Variants in SPOCK3 observed in about 807,000 individuals in gnomAD.
SPOCK3 encodes the protein testican-3.
A neutral mutation model predicts 56.6 loss-of-function variants in SPOCK3; 30 were observed. The observed-to-expected ratio is 0.53, with a 90% CI of 0.40 to 0.72. The LOEUF is 0.72. Ranked by LOEUF, SPOCK3 falls within the 30% of genes least tolerant of loss-of-function variation. The pLI is 0.00. For missense variants in SPOCK3, 527 were observed against 530.0 expected, an observed-to-expected ratio of 0.99 and a Z score of 0.06; for synonymous variants, 196 against 183.3, an observed-to-expected ratio of 1.07 and a Z score of -0.56.
intron 6 of SPOCK3, among the ~76,000 whole-genome samples, chr4:166,882,382 A>G (rs554010518): frequency 6.6e-6 from 1 of 152,192 alleles, no homozygotes; most frequent in East Asian, 1.9e-4. Context: ...CTTCTGGCCA[A>G]ACCACACTGT....
intron 4 of SPOCK3, among the ~76,000 whole-genome samples, chr4:166,952,198 C>G (rs1339755869): frequency 7.9e-5 from 12 of 152,096 alleles, no homozygotes; most frequent in Non-Finnish European, 4.4e-5. Flanking sequence ...TGTCTCAGCC[C>G]AAAATCTCCT....
At chr4:167,148,529 A>G (rs1764163001) in intron 2 of SPOCK3, among the ~76,000 whole-genome samples, 1 of 152,108 alleles carries the variant, frequency 6.6e-6, no homozygotes, top group Non-Finnish European at 1.5e-5. Flanking sequence ...CTGTTTAGTC[A>G]TCATTAAAAG....
chr4:167,114,149 CGA>C (rs1761141387), intron 2 of SPOCK3, among the ~76,000 whole-genome samples: 1 of 151,984 alleles, frequency 6.6e-6, no homozygotes, highest in Non-Finnish European at 1.5e-5. Flanking sequence ...CTAAAATAAA[CGA>C]GAGAGAGGTC....
intron 7 of SPOCK3, among the ~76,000 whole-genome samples, chr4:166,786,890 C>G (rs536492445): frequency 2.0e-5 from 3 of 152,010 alleles, no homozygotes; most frequent in African/African-American, 4.8e-5. Flanking sequence ...TGCAGGGAAA[C>G]GGAGTGCTGA....
At chr4:166,982,508 C>T (rs1746698913) in intron 4 of SPOCK3, among the ~76,000 whole-genome samples, 1 of 152,058 alleles carries the variant, frequency 6.6e-6, no homozygotes, top group Non-Finnish European at 1.5e-5. Context: ...GCCAAGATCG[C>T]ACCACTGCAT....
chr4:166,737,979 C>A (rs1008395944), intron 9 of SPOCK3, among the ~76,000 whole-genome samples: 3 of 152,184 alleles, frequency 2.0e-5, no homozygotes, highest in African/African-American at 7.2e-5. Context: ...GAAGACCTGC[C>A]ACCATCTGCC....
intron 3 of SPOCK3, among the ~76,000 whole-genome samples, chr4:167,048,018 C>A (rs1455005058): frequency 6.6e-6 from 1 of 152,070 alleles, no homozygotes; most frequent in Non-Finnish European, 1.5e-5. Flanking sequence ...TCACTGCACT[C>A]CTGAGAGATA....
intron 6 of SPOCK3, among the ~76,000 whole-genome samples, chr4:166,886,128 G>C (rs910778452): frequency 6.6e-6 from 1 of 151,920 alleles, no homozygotes; most frequent in Non-Finnish European, 1.5e-5. Context: ...GTAGAAAATG[G>C]TCTATTCATA....
At chr4:167,072,905 T>C (rs1239583781) in intron 2 of SPOCK3, among the ~76,000 whole-genome samples, 1 of 151,874 alleles carries the variant, frequency 6.6e-6, no homozygotes, top group Admixed American at 6.6e-5. Context: ...AAAGGCTAAA[T>C]TAAGGTCAAG....
chr4:166,747,319 T>A (rs999347362), intron 8 of SPOCK3, among the ~76,000 whole-genome samples: 8 of 152,058 alleles, frequency 5.3e-5, no homozygotes, highest in South Asian at 2.1e-4. Flanking sequence ...GGGATGCAAG[T>A]CTGGTTCAAC....
intron 6 of SPOCK3, among the ~76,000 whole-genome samples, chr4:166,851,507 A>G (rs1475053972): frequency 6.6e-6 from 1 of 152,250 alleles, no homozygotes; most frequent in Non-Finnish European, 1.5e-5. Context: ...GCTTCAGATG[A>G]TCAAATTACT....
rs113145244 is a variant in SPOCK3, at chr4:167,006,303, G to A, written c.236-5840C>T. On this transcript the variant is annotated intron_variant, in intron 3 of 10. Coordinates refer to ENST00000357545, the MANE Select transcript of SPOCK3 (RefSeq NM_001040159.2). ...GAATAATTTGCCACTGAAGAATCCC[G>A]TTTCCTGAGCTTTCGGTGAGATTCA... is the stretch of plus-strand genomic sequence containing the variant. 2.0e-3 allele frequency among the ~76,000 whole-genome samples: 302 copies of A among 152,234 alleles called. 1 individual carries two copies. The highest frequency in any genetic ancestry group is 3.0e-3 in the Non-Finnish European group (205 of 68,024).
At chr4:166,842,223 G>A (rs567009474) in intron 6 of SPOCK3, among the ~76,000 whole-genome samples, 61 of 152,312 alleles carry the variant, frequency 4.0e-4, no homozygotes, top group African/African-American at 1.3e-3. Context: ...TCCACGGTGA[G>A]GAAGAGGACT....
chr4:166,796,982 C>T (rs917432227), intron 6 of SPOCK3, among the ~76,000 whole-genome samples: 1 of 152,126 alleles, frequency 6.6e-6, no homozygotes, highest in Admixed American at 6.6e-5. Context: ...AACTCCAATC[C>T]TCCCATTACC....
chr4:167,074,731 C>T (rs1366343376), intron 2 of SPOCK3, among the ~76,000 whole-genome samples: 1 of 151,890 alleles, frequency 6.6e-6, no homozygotes, highest in Non-Finnish European at 1.5e-5. Flanking sequence ...GGTTCTCTTC[C>T]ACAGAGGGAG....
intron 2 of SPOCK3, among the ~76,000 whole-genome samples, chr4:167,073,675 ACT>A (rs1756906766): frequency 6.6e-6 from 1 of 151,774 alleles, no homozygotes. Flanking sequence ...TTTTGTTCCC[ACT>A]GAGTTTTGAT....
intron 3 of SPOCK3, among the ~76,000 whole-genome samples, chr4:167,024,412 T>A (rs1205505796): frequency 6.6e-6 from 1 of 152,056 alleles, no homozygotes; most frequent in Admixed American, 6.6e-5. Context: ...CACAATTAAA[T>A]GTATAAATTT....
intron 3 of SPOCK3, among the ~76,000 whole-genome samples, chr4:167,059,716 G>A (rs543963610): frequency 2.6e-4 from 39 of 152,128 alleles, no homozygotes; most frequent in African/African-American, 6.3e-4. Flanking sequence ...TGTTTATTGC[G>A]GCACTATTCA....
chr4:166,860,927 TA>T (rs1380232394), intron 6 of SPOCK3, among the ~76,000 whole-genome samples: 1 of 150,944 alleles, frequency 6.6e-6, no homozygotes, highest in Admixed American at 6.6e-5. Context: ...CTGGGAACAC[TA>T]TAACGTCTGG....
Sources: gnomAD v4.1 joint callset for allele counts (sites outside exome capture counted in the v4.1 genomes callset) on GRCh38, gnomAD v4.1.1 for gene constraint, MANE v1.5 for transcripts, NCBI Gene and HGNC (gene_info 2026-07-23, HGNC 2026-07-21) for gene names.